Variants in TAFA5 observed in about 807,000 individuals in gnomAD.
TAFA5 encodes the protein chemokine-like protein TAFA-5.
A neutral mutation model predicts 15.3 loss-of-function variants in TAFA5; 6 were observed. The observed-to-expected ratio is 0.39, with a 90% CI of 0.21 to 0.77. TAFA5 has a LOEUF of 0.77. Ranked by LOEUF, TAFA5 falls within the 30% of genes least tolerant of loss-of-function variation. The probability of loss-of-function intolerance (pLI) is 0.41; values close to 1 mark genes in which losing one functional copy is unlikely to be tolerated. For synonymous variants in TAFA5, 103 were observed against 80.7 expected, an observed-to-expected ratio of 1.28 and a Z score of -1.48; for missense variants, 161 against 193.1, an observed-to-expected ratio of 0.83 and a Z score of 0.98.
chr22:48,745,380 C>T (rs908798672), intron 3 of TAFA5, among the ~76,000 whole-genome samples: 8 of 146,488 alleles, frequency 5.5e-5, no homozygotes. Context: ...CTGGCCTGCC[C>T]GGGGTTCACC....
intron 2 of TAFA5, among the ~76,000 whole-genome samples, chr22:48,652,078 C>T (rs1034538208): frequency 6.6e-6 from 1 of 152,238 alleles, no homozygotes; most frequent in Non-Finnish European, 1.5e-5. Context: ...GAGCAAAAGC[C>T]TTTCGGTTCT....
chr22:48,727,376 T>G (rs770116895), intron 3 of TAFA5, among the ~76,000 whole-genome samples: 2 of 152,200 alleles, frequency 1.3e-5, no homozygotes, highest in Non-Finnish European at 2.9e-5. Flanking sequence ...ACTCATGGGA[T>G]AGAAGGAGCC....
intron 1 of TAFA5, among the ~76,000 whole-genome samples, chr22:48,633,532 G>GTCTGTC (rs1555894461): frequency 2.4e-4 from 33 of 138,766 alleles, no homozygotes; most frequent in Non-Finnish European, 4.7e-4. Context: ...CTGTCTGTCT[G>GTCTGTC]TCTCTCCCTC....
intron 1 of TAFA5, among the ~76,000 whole-genome samples, chr22:48,633,370 A>G (rs1276068002): frequency 6.6e-6 from 1 of 152,154 alleles, no homozygotes; most frequent in African/African-American, 2.4e-5. Context: ...GGGCAGGAGC[A>G]TGGGTGTGTT....
At chr22:48,720,982 C>A (rs889822972) in intron 3 of TAFA5, among the ~76,000 whole-genome samples, 1 of 152,194 alleles carries the variant, frequency 6.6e-6, no homozygotes, top group Non-Finnish European at 1.5e-5. Flanking sequence ...CACGTGAAGA[C>A]CCCGGATGAG....
intron 3 of TAFA5, among the ~76,000 whole-genome samples, chr22:48,734,567 C>T (rs976719106): frequency 2.6e-5 from 4 of 152,346 alleles, no homozygotes; most frequent in African/African-American, 4.8e-5. Context: ...GGCTTTGGGG[C>T]GGCCTGCCTG....
chr22:48,600,281 G>A (rs1385971739), intron 1 of TAFA5, among the ~76,000 whole-genome samples: 1 of 152,234 alleles, frequency 6.6e-6, no homozygotes, highest in African/African-American at 2.4e-5. Context: ...GGGGAGGATG[G>A]CGCCTACCAC....
intron 1 of TAFA5, among the ~76,000 whole-genome samples, chr22:48,542,291 TGTGTGATGTGTGTGTA>T (rs1234877093): frequency 2.5e-5 from 2 of 81,286 alleles, no homozygotes; most frequent in African/African-American, 6.8e-5. Context: ...TGTGTGTGCA[TGTGTGATGTGTGTGTA>T]GTGTGTATGT....
chr22:48,553,832 C>T (rs1341314273), intron 1 of TAFA5, among the ~76,000 whole-genome samples: 1 of 152,104 alleles, frequency 6.6e-6, no homozygotes, highest in Non-Finnish European at 1.5e-5. Context: ...TGTCAAGGCC[C>T]CTGGAATCCA....
At chr22:48,614,811 G>C (rs1925537840) in intron 1 of TAFA5, among the ~76,000 whole-genome samples, 1 of 152,220 alleles carries the variant, frequency 6.6e-6, no homozygotes, top group Non-Finnish European at 1.5e-5. Flanking sequence ...CTTGTAGTGT[G>C]TGAGACAGAT....
At chr22:48,498,732 G>T (rs970657191) in intron 1 of TAFA5, among the ~76,000 whole-genome samples, 1 of 152,134 alleles carries the variant, frequency 6.6e-6, no homozygotes, top group African/African-American at 2.4e-5. Flanking sequence ...TTGATGCCAG[G>T]GGCCCCTCCT....
intron 1 of TAFA5, among the ~76,000 whole-genome samples, chr22:48,599,384 G>A (rs908836035): frequency 6.6e-6 from 1 of 152,238 alleles, no homozygotes; most frequent in Non-Finnish European, 1.5e-5. Flanking sequence ...GAGACTGAAC[G>A]TGTTCGTTAC....
At chr22:48,746,696 A>T (rs1009012205) in intron 3 of TAFA5, among the ~76,000 whole-genome samples, 2 of 152,100 alleles carry the variant, frequency 1.3e-5, no homozygotes, top group African/African-American at 4.8e-5. Context: ...CCCTGGGAAG[A>T]GGGGTTCTAG....
intron 2 of TAFA5, among the ~76,000 whole-genome samples, chr22:48,666,522 GCCCGTGACCAGGCAATACTGAGA>G (rs1367707547): frequency 6.6e-6 from 1 of 152,180 alleles, no homozygotes; most frequent in South Asian, 2.1e-4. Flanking sequence ...CGTTACTGAG[GCCCGTGACCAGGCAATACTGAGA>G]CCCGTGACCA....
At chr22:48,616,225 C>T (rs934796400) in intron 1 of TAFA5, among the ~76,000 whole-genome samples, 7 of 152,068 alleles carry the variant, frequency 4.6e-5, no homozygotes, top group East Asian at 3.9e-4. Context: ...CTGGGGACAG[C>T]GCTGCAGGCT....
At chr22:48,594,525 C>G (rs35488360) in intron 1 of TAFA5, among the ~76,000 whole-genome samples, 25,528 of 152,238 alleles carry the variant, frequency 0.17, 2,231 homozygotes, top group East Asian at 0.24. Flanking sequence ...AGCCTGAAAA[C>G]AGGGCAGTGC....
chr22:48,735,858 CTAGAGT>C (rs1200801782), intron 3 of TAFA5, among the ~76,000 whole-genome samples: 371 of 149,296 alleles, frequency 2.5e-3, no homozygotes, highest in Non-Finnish European at 3.1e-3. Context: ...AATCGCACTC[CTAGAGT>C]CCATCCCCCG....
chr22:48,535,133 G>A (rs534782406), intron 1 of TAFA5, among the ~76,000 whole-genome samples: 5 of 152,252 alleles, frequency 3.3e-5, no homozygotes, highest in South Asian at 2.1e-4. Flanking sequence ...ACCCTTACCT[G>A]GGAACGTTCT....
At chr22:48,495,042 C>T (rs369438863) in intron 1 of TAFA5, among the ~76,000 whole-genome samples, 16 of 152,186 alleles carry the variant, frequency 1.1e-4, no homozygotes, top group Non-Finnish European at 2.1e-4. Flanking sequence ...CAGCATCCTG[C>T]GGGACGGTGG....
Sources: gnomAD v4.1 joint callset for allele counts (sites outside exome capture counted in the v4.1 genomes callset) on GRCh38, gnomAD v4.1.1 for gene constraint, MANE v1.5 for transcripts, NCBI Gene and HGNC (gene_info 2026-07-23, HGNC 2026-07-21) for gene names.